The following ST18 variants were observed in gnomAD, a reference collection of about 807,000 sequenced individuals.
ST18 encodes suppression of tumorigenicity 18 protein.
A neutral mutation model predicts 110.0 loss-of-function variants in ST18; 50 were observed. That is an observed-to-expected ratio of 0.45 (90% confidence interval 0.36 to 0.58). ST18 has a LOEUF of 0.58. ST18 is among the 20% of genes least tolerant of loss of function. ST18 has a pLI of 0.00. For missense variants in ST18, 1,306 were observed against 1,280.1 expected, an observed-to-expected ratio of 1.02 and a Z score of -0.31; for synonymous variants, 461 against 452.4, an observed-to-expected ratio of 1.02 and a Z score of -0.24.
chr8:52,183,001 T>A (rs1286569429), intron 8 of ST18, among the ~76,000 whole-genome samples: 1 of 152,170 alleles, frequency 6.6e-6, no homozygotes, highest in South Asian at 2.1e-4. Flanking sequence ...GTTAATATCA[T>A]CATCCAAATT....
At chr8:52,197,748 G>GT (rs1564003427) in intron 8 of ST18, among the ~76,000 whole-genome samples, 1 of 151,916 alleles carries the variant, frequency 6.6e-6, no homozygotes, top group African/African-American at 2.4e-5. Context: ...GGAAGGGAAA[G>GT]AAGTGTGCAC....
chr8:52,239,401 G>A (rs775914867), intron 2 of ST18, among the ~76,000 whole-genome samples: 3 of 152,278 alleles, frequency 2.0e-5, no homozygotes, highest in East Asian at 3.9e-4. Context: ...AAACCATACA[G>A]ATCACAGTAA....
intron 2 of ST18, among the ~76,000 whole-genome samples, chr8:52,252,605 G>T (rs565007893): frequency 1.4e-4 from 22 of 151,768 alleles, no homozygotes; most frequent in African/African-American, 5.3e-4. Context: ...GCTCTCCAAG[G>T]TACAGTATAT....
chr8:52,191,875 G>C (rs569381180), intron 8 of ST18, among the ~76,000 whole-genome samples: 1 of 152,324 alleles, frequency 6.6e-6, no homozygotes, highest in East Asian at 1.9e-4. Flanking sequence ...GAATATCAGG[G>C]AACAGGAGGT....
At chr8:52,399,632 T>G (rs1484507648) in intron 2 of ST18, among the ~76,000 whole-genome samples, 1 of 152,004 alleles carries the variant, frequency 6.6e-6, no homozygotes, top group African/African-American at 2.4e-5. Context: ...AGGTTATGTT[T>G]CCATTGTCAT....
intron 2 of ST18, among the ~76,000 whole-genome samples, chr8:52,314,032 C>T (rs2095975782): frequency 6.6e-6 from 1 of 152,184 alleles, no homozygotes; most frequent in African/African-American, 2.4e-5. Flanking sequence ...AGCTCTCAAG[C>T]CAAGGCCAGA....
At chr8:52,168,739 A>G (rs906464183) in intron 10 of ST18, among the ~76,000 whole-genome samples, 6 of 152,160 alleles carry the variant, frequency 3.9e-5, no homozygotes, top group Non-Finnish European at 7.3e-5. Flanking sequence ...TTCGTAATAG[A>G]CAAATTAAGA....
chr8:52,382,473 A>C (rs1390802560), intron 2 of ST18, among the ~76,000 whole-genome samples: 1 of 152,264 alleles, frequency 6.6e-6, no homozygotes, highest in Non-Finnish European at 1.5e-5. Context: ...AAACATTTTT[A>C]GCTTAATCTT....
intron 2 of ST18, among the ~76,000 whole-genome samples, chr8:52,367,000 A>G (rs1590301577): frequency 6.6e-6 from 1 of 152,200 alleles, no homozygotes; most frequent in East Asian, 1.9e-4. Context: ...TGGGGGGCTG[A>G]GGCGTGCAGA....
intron 2 of ST18, among the ~76,000 whole-genome samples, chr8:52,330,833 G>T (rs920544180): frequency 9.9e-5 from 15 of 152,166 alleles, no homozygotes; most frequent in Non-Finnish European, 1.5e-4. Flanking sequence ...TATAAACCAC[G>T]TGTGTGTACA....
In ST18 at chr8:52,112,227, T is replaced by C. The variant is rs1585989628; in HGVS notation, c.*971A>G. ...GATATGGTATCTACAAAATTTTTCATTTGGATGTGTTTGTATTTGCTAAGT... is the reference window on the plus strand; with the variant it reads ...GATATGGTATCTACAAAATTTTTCACTTGGATGTGTTTGTATTTGCTAAGT... On this transcript the variant is annotated 3_prime_UTR_variant, in exon 26 of 26. Transcript: ENST00000689386. 6.5e-6 allele frequency: 1 copy of C among 152,724 alleles called. No individual in the cohort carries two copies. Among genetic ancestry groups the C allele is most frequent in the East Asian group, 1.9e-4 (1 of 5,188 alleles). 9.5% of individuals were successfully genotyped at this position (152,724 alleles called of 1,614,324 possible). A position where few individuals can be genotyped will look rare whatever the true frequency, so the allele number is the denominator to read the frequency against.
At chr8:52,136,540 G>A in intron 19 of ST18, 50 bp downstream of exon 19, 1 of 1,546,912 alleles carries the variant, frequency 6.5e-7, no homozygotes, top group African/African-American at 1.4e-5. Flanking sequence ...TGAACGAGAG[G>A]GTCCTACCGT....
At chr8:52,401,331 G>C (rs550615425) in intron 2 of ST18, among the ~76,000 whole-genome samples, 51 of 152,188 alleles carry the variant, frequency 3.4e-4, no homozygotes, top group African/African-American at 1.1e-3. Flanking sequence ...CCTGTTTGGA[G>C]ATCATTAAGC....
chr8:52,167,970 G>C (rs1301796162), intron 10 of ST18, among the ~76,000 whole-genome samples: 1 of 151,980 alleles, frequency 6.6e-6, no homozygotes, highest in Non-Finnish European at 1.5e-5. Flanking sequence ...ATGAATACTG[G>C]TGAGCTTAGA....
rs377627687 is a variant in ST18, at chr8:52,118,328, T to A, written c.2859+10A>T. The A allele has an allele frequency of 1.9e-6, 3 of 1,552,318 alleles. No homozygotes were observed. Among genetic ancestry groups the A allele is most frequent in the African/African-American group, 2.7e-5 (2 of 72,768 alleles). On this transcript the variant is annotated intron_variant, in intron 24 of 25. Transcript: ENST00000689386. Reference sequence around the variant, plus strand: ...TACATTAAGGATCATGAATTACTTCTTTTTTTTACCTGGGTCTGAAGTTTC... The same window carrying A: ...TACATTAAGGATCATGAATTACTTCATTTTTTTACCTGGGTCTGAAGTTTC...
intron 2 of ST18, among the ~76,000 whole-genome samples, chr8:52,304,870 C>G (rs1274222237): frequency 6.6e-6 from 1 of 152,152 alleles, no homozygotes; most frequent in African/African-American, 2.4e-5. Context: ...GTCTCTCTTA[C>G]AAGAGCACTA....
In ST18 at chr8:52,202,722, A is replaced by T. The variant is rs182981264; in HGVS notation, c.86+9357T>A. 3.3e-4 allele frequency among the ~76,000 whole-genome samples: 51 copies of T among 152,394 alleles called. 2 individuals are homozygous for T. The highest frequency in any genetic ancestry group is 3.2e-3 in the Admixed American group (49 of 15,306). On this transcript the variant is annotated intron_variant, in intron 8 of 25. Coordinates refer to ENST00000689386, the MANE Select transcript of ST18 (RefSeq NM_001352837.2). The stretch of plus-strand genomic sequence containing the variant: ...ATGTCAAAAGACAAAGGAAAGAATT[A>T]TGCCAGGCATGGCCTAGAACAGAGT...
intron 2 of ST18, among the ~76,000 whole-genome samples, chr8:52,317,212 G>C (rs2139829946): frequency 6.6e-6 from 1 of 152,312 alleles, no homozygotes; most frequent in South Asian, 2.1e-4. Context: ...AGTCTTTACA[G>C]AAGTGATTAA....
At chr8:52,285,235 T>A (rs532746427) in intron 2 of ST18, among the ~76,000 whole-genome samples, 2 of 152,324 alleles carry the variant, frequency 1.3e-5, no homozygotes, top group South Asian at 2.1e-4. Context: ...GCCATAACGC[T>A]TGATTCTGGT....
Sources: allele counts gnomAD v4.1 joint callset (sites outside exome capture counted in the v4.1 genomes callset), GRCh38; gene constraint gnomAD v4.1.1; transcripts MANE v1.5; gene names NCBI Gene and HGNC (gene_info 2026-07-23, HGNC 2026-07-21).